The following PSD3 variants were observed in gnomAD, a reference collection of about 807,000 sequenced individuals.
PSD3 encodes pleckstrin and Sec7 domain containing 3.
PSD3 carries 49 observed loss-of-function variants against 105.5 expected under a neutral mutation model. The observed-to-expected ratio is 0.46, with a 90% CI of 0.37 to 0.59. The LOEUF (loss-of-function observed/expected upper bound fraction) is 0.59, where lower values mean the gene tolerates loss of function less well. Ranked by LOEUF, PSD3 falls within the 20% of genes least tolerant of loss-of-function variation. The probability of loss-of-function intolerance (pLI) is 0.00; values close to 1 mark genes in which losing one functional copy is unlikely to be tolerated. For synonymous variants in PSD3, 557 were observed against 457.8 expected (o/e 1.22, Z -2.77); for missense variants, 1,561 against 1,263.8 (o/e 1.24, Z -3.57).
chr8:18,865,663 G>T (rs1320183280), intron 4 of PSD3, among the ~76,000 whole-genome samples: 1 of 152,070 alleles, frequency 6.6e-6, no homozygotes, highest in Non-Finnish European at 1.5e-5. Context: ...ATCAGGAATT[G>T]TACAGTAGGA....
intron 9 of PSD3, among the ~76,000 whole-genome samples, chr8:18,691,798 C>T (rs577713574): frequency 1.1e-4 from 16 of 152,138 alleles, no homozygotes; most frequent in Non-Finnish European, 2.4e-4. Flanking sequence ...GATCAGAGAT[C>T]CCTGCCCTTG....
At position 18,528,345 on chromosome 8, in the gene PSD3, A is replaced by C. The variant is rs1306455762; in HGVS notation, c.*7398T>G. ...AAGATATCGTCCGTCCGTAGTTAGA[A>C]CTCAGGGTGCCAGTTTGTTTTTTGC... On this transcript the variant is annotated 3_prime_UTR_variant, in exon 16 of 16. Coordinates refer to ENST00000327040, the MANE Select transcript of PSD3 (RefSeq NM_015310.4). 1.3e-5 allele frequency: 2 copies of C among 152,090 alleles called. No homozygotes were observed. Among genetic ancestry groups the C allele is most frequent in the East Asian group, 3.9e-4 (2 of 5,182 alleles). The allele number at this position is 152,090 out of a possible 1,614,324, so 9.4% of individuals were successfully genotyped here.
At chr8:18,951,515 A>G (rs1823234179) in intron 1 of PSD3, among the ~76,000 whole-genome samples, 1 of 152,072 alleles carries the variant, frequency 6.6e-6, no homozygotes, top group Non-Finnish European at 1.5e-5. Context: ...ACAAACCACA[A>G]CCACAAAGTA....
At chr8:18,612,854 G>C (rs1414879515) in intron 11 of PSD3, among the ~76,000 whole-genome samples, 1 of 152,162 alleles carries the variant, frequency 6.6e-6, no homozygotes, top group African/African-American at 2.4e-5. Context: ...AGAGACAAAA[G>C]CTGTTGGAGA....
At chr8:18,616,430 G>A (rs941230948) in intron 11 of PSD3, among the ~76,000 whole-genome samples, 6 of 152,134 alleles carry the variant, frequency 3.9e-5, no homozygotes, top group African/African-American at 1.4e-4. Context: ...ATGGTGGCCA[G>A]GCATTCTCCG....
rs1350034546 is a variant in PSD3, at chr8:18,800,308, G to C, written c.2024-955C>G. Among the ~76,000 whole-genome samples the C allele has an allele frequency of 6.6e-5, 10 of 152,128 alleles. No homozygotes were observed. In the East Asian group the frequency reaches 1.7e-3, roughly 26 times the overall value. ...TGGTGACAGAGATAGTGAATAACTGGTCTGAATAGCATCAGTTTACCGATA... is the reference window on the plus strand; with the variant it reads ...TGGTGACAGAGATAGTGAATAACTGCTCTGAATAGCATCAGTTTACCGATA... On this transcript the variant is annotated intron_variant, in intron 7 of 15. Coordinates refer to ENST00000327040, the MANE Select transcript of PSD3 (RefSeq NM_015310.4).
At chr8:19,027,154 A>T (rs139490194) in intron 1 of PSD3, among the ~76,000 whole-genome samples, 233 of 152,292 alleles carry the variant, frequency 1.5e-3, no homozygotes, top group African/African-American at 5.4e-3. Flanking sequence ...GAAATCTATC[A>T]GCTCTCTCTC....
At chr8:18,723,091 A>G (rs1032777398) in intron 9 of PSD3, among the ~76,000 whole-genome samples, 14 of 152,188 alleles carry the variant, frequency 9.2e-5, no homozygotes, top group African/African-American at 3.4e-4. Flanking sequence ...ACAAACGAAC[A>G]AACAAACCAT....
intron 9 of PSD3, among the ~76,000 whole-genome samples, chr8:18,669,550 T>G (rs866444092): frequency 2.0e-5 from 3 of 152,188 alleles, no homozygotes; most frequent in African/African-American, 7.2e-5. Flanking sequence ...AGCTAGTAAG[T>G]GACTGAGGGC....
intron 12 of PSD3, among the ~76,000 whole-genome samples, chr8:18,575,517 C>T (rs568847812): frequency 1.3e-5 from 2 of 152,120 alleles, no homozygotes; most frequent in African/African-American, 4.8e-5. Context: ...TTTTAAAAAT[C>T]AGTTTTTTTA....
At chr8:18,580,068 T>G (rs1802710830) in intron 12 of PSD3, among the ~76,000 whole-genome samples, 2 of 152,224 alleles carry the variant, frequency 1.3e-5, no homozygotes, top group African/African-American at 4.8e-5. Flanking sequence ...TTTTATAATT[T>G]GATGAATATC....
intron 4 of PSD3, among the ~76,000 whole-genome samples, chr8:18,863,758 CA>C (rs959988357): frequency 2.0e-5 from 3 of 148,226 alleles, no homozygotes; most frequent in South Asian, 4.3e-4. Context: ...GACACGCACT[CA>C]AAAAAAAAAC....
chr8:18,949,237 AAAAAAAAATATATATAT>A (rs1254679662), intron 1 of PSD3, among the ~76,000 whole-genome samples: 3 of 77,284 alleles, frequency 3.9e-5, no homozygotes, highest in African/African-American at 1.6e-4. Flanking sequence ...AAAAAAAAAA[AAAAAAAAATATATATAT>A]ATATATATAT....
intron 1 of PSD3, among the ~76,000 whole-genome samples, chr8:19,075,877 A>G (rs748979841): frequency 9.9e-5 from 15 of 152,234 alleles, no homozygotes; most frequent in Non-Finnish European, 2.9e-5. Context: ...ACATTTAATA[A>G]GTTAATTTAA....
At chr8:18,619,859 A>T (rs548007308) in intron 11 of PSD3, among the ~76,000 whole-genome samples, 9 of 152,202 alleles carry the variant, frequency 5.9e-5, no homozygotes, top group African/African-American at 1.9e-4. Flanking sequence ...TTTTGAAATG[A>T]CCCTCCAAAG....
intron 4 of PSD3, among the ~76,000 whole-genome samples, chr8:18,865,683 C>T (rs1190247439): frequency 6.6e-6 from 1 of 152,078 alleles, no homozygotes; most frequent in Non-Finnish European, 1.5e-5. Flanking sequence ...AGTGCCCAGA[C>T]TCGGGGAGAG....
Position 18,872,719 on chromosome 8 carries a change from T to C in PSD3, c.145A>G (p.Ser49Gly). ...KAPDTSDHGG[S>G]TLLPPNVTNE... ...GTGACATTTGGTGGGAGTAAAGTGC[T>C]TCCTCCATGATCACCTGTGAAGAGA... Residue 49 changes from serine to glycine, a missense_variant, in exon 3 of 16, where the codon AGC becomes GGC. Physicochemically the swap from Ser to Gly is moderately conservative, Grantham distance 56. Coordinates refer to ENST00000327040, the MANE Select transcript of PSD3 (RefSeq NM_015310.4). The C allele has an allele frequency of 6.4e-7, 1 of 1,562,252 alleles. No homozygotes were observed. Among genetic ancestry groups the C allele is most frequent in the Non-Finnish European group, 8.6e-7 (1 of 1,157,106 alleles).
At chr8:18,764,378 A>T (rs1207531847) in intron 9 of PSD3, among the ~76,000 whole-genome samples, 1 of 152,190 alleles carries the variant, frequency 6.6e-6, no homozygotes, top group Non-Finnish European at 1.5e-5. Context: ...AAATGGCAGC[A>T]CTTGCTGTAC....
At chr8:18,780,119 A>G (rs1403249414) in intron 8 of PSD3, among the ~76,000 whole-genome samples, 1 of 152,098 alleles carries the variant, frequency 6.6e-6, no homozygotes, top group Non-Finnish European at 1.5e-5. Flanking sequence ...TGGGCGCACA[A>G]ATATTTAGAA....
Sources: allele counts gnomAD v4.1 joint callset (sites outside exome capture counted in the v4.1 genomes callset), GRCh38; gene constraint gnomAD v4.1.1; transcripts MANE v1.5; gene names NCBI Gene and HGNC (gene_info 2026-07-23, HGNC 2026-07-21).